TNR: variants seen among roughly 807,000 people sequenced by gnomAD.
The protein encoded by TNR is tenascin R.
In TNR, 45 loss-of-function variants were observed where a neutral mutation model predicts 150.4. That is an observed-to-expected ratio of 0.30 (90% CI 0.24 to 0.38). The LOEUF (loss-of-function observed/expected upper bound fraction) is 0.38, where lower values mean the gene tolerates loss of function less well. Ranked by LOEUF, TNR falls within the 10% of genes least tolerant of loss-of-function variation. The pLI, the probability that TNR is intolerant of heterozygous loss-of-function variation, is 1.00. For missense variants in TNR, 1,544 were observed against 1,759.1 expected, an observed-to-expected ratio of 0.88 and a Z score of 2.19; for synonymous variants, 687 against 678.4, an observed-to-expected ratio of 1.01 and a Z score of -0.20.
chr1:175,499,208 T>G (rs1057470611), intron 2 of TNR, among the ~76,000 whole-genome samples: 2 of 152,182 alleles, frequency 1.3e-5, no homozygotes, highest in African/African-American at 4.8e-5. Context: ...TGCTTCAGAG[T>G]AGAAACTGAA....
intron 9 of TNR, among the ~76,000 whole-genome samples, chr1:175,376,115 G>C (rs558389413): frequency 2.6e-5 from 4 of 152,098 alleles, no homozygotes; most frequent in African/African-American, 4.8e-5. Context: ...GGTAGTTCTC[G>C]GGGGAAGAGG....
chr1:175,382,299 C>T (rs1652717319), intron 8 of TNR, among the ~76,000 whole-genome samples: 1 of 152,132 alleles, frequency 6.6e-6, no homozygotes, highest in Non-Finnish European at 1.5e-5. Flanking sequence ...GTAGAAAAGT[C>T]TTGTTAAATA....
intron 2 of TNR, among the ~76,000 whole-genome samples, chr1:175,419,440 T>C (rs1438212011): frequency 6.6e-6 from 1 of 152,034 alleles, no homozygotes; most frequent in Non-Finnish European, 1.5e-5. Flanking sequence ...GTGGGATCCA[T>C]ATAGGTTATT....
chr1:175,380,256 G>A (rs1244588485), intron 8 of TNR, among the ~76,000 whole-genome samples: 2 of 152,144 alleles, frequency 1.3e-5, no homozygotes, highest in Non-Finnish European at 2.9e-5. Context: ...AAATAATATA[G>A]GCTTTGGAGT....
chr1:175,379,626 G>T lies in TNR; in HGVS notation c.1889C>A (p.Thr630Asn), dbSNP rs756593748. ...CTCATGATATTGCTCACCCGCCAGG[G>T]TGCTGTACACAACCTTGTACTCCTG... ...EVQEYKVVYS[T>N]LAGEQYHEVL... The change falls in exon 9 of 23, where the codon ACC becomes AAC. Residue 630 changes from threonine (T) to asparagine (N), a missense_variant. Transcript: ENST00000367674. The T allele has an allele frequency of 1.7e-5, 27 of 1,614,060 alleles. No homozygotes were observed. Among genetic ancestry groups the T allele is most frequent in the Non-Finnish European group, 1.9e-5 (23 of 1,180,032 alleles).
chr1:175,583,194 G>C (rs1383403972), intron 1 of TNR, among the ~76,000 whole-genome samples: 1 of 152,208 alleles, frequency 6.6e-6, no homozygotes, highest in African/African-American at 2.4e-5. Context: ...GGGTGTGGAA[G>C]AGATCTCATG....
chr1:175,496,389 G>T (rs1005841174), intron 2 of TNR, among the ~76,000 whole-genome samples: 1 of 152,096 alleles, frequency 6.6e-6, no homozygotes, highest in African/African-American at 2.4e-5. Context: ...CGCACACATG[G>T]CTCCTTATTC....
chr1:175,635,324 C>T (rs1339350481), intron 1 of TNR, among the ~76,000 whole-genome samples: 11 of 152,212 alleles, frequency 7.2e-5, no homozygotes, highest in Non-Finnish European at 1.6e-4. Context: ...TAATTTTTCT[C>T]TTTAAACTTT....
At chr1:175,666,687 C>A (rs1351787671) in intron 1 of TNR, among the ~76,000 whole-genome samples, 2 of 152,212 alleles carry the variant, frequency 1.3e-5, no homozygotes, top group Non-Finnish European at 2.9e-5. Context: ...TCTCTGAAAA[C>A]CTATTCTGGA....
chr1:175,674,099 G>A (rs779700911), intron 1 of TNR, among the ~76,000 whole-genome samples: 2 of 152,192 alleles, frequency 1.3e-5, no homozygotes, highest in Non-Finnish European at 2.9e-5. Context: ...GGGAACTGGG[G>A]GAGTGAGGGT....
At chr1:175,494,059 G>A (rs1658370507) in intron 2 of TNR, among the ~76,000 whole-genome samples, 2 of 151,970 alleles carry the variant, frequency 1.3e-5, no homozygotes, top group Non-Finnish European at 2.9e-5. Flanking sequence ...CCTGCATCCC[G>A]TTCCCATCTC....
intron 1 of TNR, among the ~76,000 whole-genome samples, chr1:175,684,880 G>A (rs1333530283): frequency 6.6e-6 from 1 of 152,142 alleles, no homozygotes; most frequent in Non-Finnish European, 1.5e-5. Context: ...CATCATTGAA[G>A]CCCCTTTATT....
chr1:175,432,059 G>A (rs1655297748), intron 2 of TNR, among the ~76,000 whole-genome samples: 1 of 152,126 alleles, frequency 6.6e-6, no homozygotes, highest in African/African-American at 2.4e-5. Context: ...TCTGCCTGTG[G>A]GGAGGGGGCC....
intron 2 of TNR, among the ~76,000 whole-genome samples, chr1:175,418,398 T>A (rs916480567): frequency 7.9e-5 from 12 of 152,024 alleles, no homozygotes; most frequent in African/African-American, 2.9e-4. Context: ...TCTTGAAGAA[T>A]GAGAAAGATT....
intron 18 of TNR, among the ~76,000 whole-genome samples, chr1:175,343,327 T>C (rs1271756441): frequency 1.3e-5 from 2 of 152,146 alleles, no homozygotes. Flanking sequence ...CAGGGTGTAG[T>C]AATTACTCGT....
intron 1 of TNR, among the ~76,000 whole-genome samples, chr1:175,619,750 T>C (rs539322176): frequency 6.6e-6 from 1 of 152,318 alleles, no homozygotes; most frequent in African/African-American, 2.4e-5. Context: ...ACCCAGGTCA[T>C]GATGCTCAGG....
At chr1:175,613,274 G>C (rs1348351323) in intron 1 of TNR, among the ~76,000 whole-genome samples, 1 of 152,082 alleles carries the variant, frequency 6.6e-6, no homozygotes, top group South Asian at 2.1e-4. Context: ...GCTAGCCAGG[G>C]CCCAAATCCT....
chr1:175,740,346 G>A (rs1667892601), intron 1 of TNR, among the ~76,000 whole-genome samples: 1 of 151,884 alleles, frequency 6.6e-6, no homozygotes, highest in South Asian at 2.1e-4. Flanking sequence ...TCTTTTTTGG[G>A]GTATACAAGT....
chr1:175,500,727 G>A (rs896255403), intron 2 of TNR, among the ~76,000 whole-genome samples: 6 of 152,234 alleles, frequency 3.9e-5, no homozygotes, highest in African/African-American at 1.4e-4. Context: ...CCCTAAAAAA[G>A]CCATTAAGAC....
Sources: allele counts gnomAD v4.1 joint callset (sites outside exome capture counted in the v4.1 genomes callset), GRCh38; gene constraint gnomAD v4.1.1; transcripts MANE v1.5; gene names NCBI Gene and HGNC (gene_info 2026-07-23, HGNC 2026-07-21).